Variants in MOSPD2 observed in about 807,000 individuals in gnomAD.
The protein encoded by MOSPD2 is motile sperm domain-containing protein 2.
Under a neutral mutation model 41.7 loss-of-function variants are expected in MOSPD2, and 5 were observed. That is an observed-to-expected ratio of 0.12 (90% CI 0.06 to 0.25). MOSPD2 has a LOEUF of 0.25. MOSPD2 is among the 10% of genes least tolerant of loss of function. The probability of loss-of-function intolerance (pLI) is 1.00; values close to 1 mark genes in which losing one functional copy is unlikely to be tolerated. For missense variants in MOSPD2, 282 were observed against 375.2 expected (o/e 0.75, Z 2.05); for synonymous variants, 115 against 126.9 (o/e 0.91, Z 0.63).
chrX:14,895,446 A>G (rs776706675), intron 4 of MOSPD2, 52 bp downstream of exon 4: 2 of 711,703 alleles, frequency 2.8e-6, no homozygotes, highest in South Asian at 2.4e-5. Context: ...AGATTGAGAT[A>G]TCTATGTCAA....
chrX:14,882,576 ACAT>A (rs1174565405), intron 2 of MOSPD2, among the ~76,000 whole-genome samples: 6 of 111,770 alleles, frequency 5.4e-5, no homozygotes, highest in Admixed American at 9.5e-5. Context: ...CAGTATATAA[ACAT>A]CATGTTGTAT....
intron 5 of MOSPD2, among the ~76,000 whole-genome samples, chrX:14,897,923 T>A (rs922185111): frequency 1.8e-5 from 2 of 112,425 alleles, no homozygotes; most frequent in African/African-American, 6.5e-5. Context: ...TTCTAACTAC[T>A]GTCTCTTATA....
chrX:14,903,561 A>G (rs2092576818), intron 7 of MOSPD2, among the ~76,000 whole-genome samples: 1 of 111,757 alleles, frequency 8.9e-6, no homozygotes, highest in African/African-American at 3.3e-5. Flanking sequence ...CAGTCATGAT[A>G]TATTTTTTGG....
At chrX:14,895,962 C>T (rs574916154) in intron 4 of MOSPD2, among the ~76,000 whole-genome samples, 23 of 111,385 alleles carry the variant, frequency 2.1e-4, no homozygotes, top group African/African-American at 7.2e-4. Context: ...GTCCTGCACT[C>T]ATCTTCACTC....
At chrX:14,894,316 A>AT (rs759189386) in intron 3 of MOSPD2, among the ~76,000 whole-genome samples, 3,500 of 66,508 alleles carry the variant, frequency 0.053, 234 homozygotes, top group African/African-American at 0.14. Context: ...TTATTGATTG[A>AT]TTTTTTTTTT....
intron 5 of MOSPD2, among the ~76,000 whole-genome samples, chrX:14,899,065 G>T (rs914178334): frequency 1.0e-5 from 1 of 96,317 alleles, no homozygotes; most frequent in African/African-American, 3.4e-5. Flanking sequence ...ATTATTCAGC[G>T]GCCATCCTTC....
At chrX:14,875,794 G>C (rs768468663) in intron 2 of MOSPD2, among the ~76,000 whole-genome samples, 15 of 111,720 alleles carry the variant, frequency 1.3e-4, no homozygotes, top group Non-Finnish European at 2.4e-4. Context: ...ATGTATCCGA[G>C]AGGCCTTCAC....
intron 3 of MOSPD2, among the ~76,000 whole-genome samples, chrX:14,894,509 G>C (rs1330313658): frequency 9.1e-6 from 1 of 109,666 alleles, no homozygotes; most frequent in Non-Finnish European, 1.9e-5. Flanking sequence ...GCAGAGACAG[G>C]GTTTCACTGT....
Position 14,873,705 on chromosome X carries a change from A to G in MOSPD2, c.26A>G (p.Lys9Arg). The G allele has an allele frequency of 8.3e-7, 1 of 1,210,889 alleles. No homozygotes were observed. The highest frequency in any genetic ancestry group is 1.1e-6 in the Non-Finnish European group (1 of 894,774). The change falls in exon 2 of 15, where the codon AAA becomes AGA. Residue 9 changes from lysine to arginine, a missense_variant. By Grantham distance (26) the Lys-to-Arg change is conservative (BLOSUM62 2). Transcript: ENST00000380492. The part of the protein sequence containing the change: MAENHAQN[K>R]AKLISETRRR... ...CCCATCCAGAATCACGCCCAGAATA[A>G]AGCCAAGCTCATCTCTGAGACCCGG... is the stretch of plus-strand genomic sequence containing the variant.
At chrX:14,895,257 A>G (rs2092560977) in intron 3 of MOSPD2, 51 bp from the exon 4 acceptor site, 4 of 714,843 alleles carry the variant, frequency 5.6e-6, no homozygotes, top group Non-Finnish European at 8.8e-6. Context: ...TATGAGTTTT[A>G]TTTTTAAACC....
At position 14,918,768 on chromosome X, in the gene MOSPD2, G is replaced by C; in HGVS notation, c.1405G>C (p.Asp469His). ...AFNMSDKTSE[D>H]ICLQLSRLLE... The stretch of plus-strand genomic sequence containing the variant: ...CAATATGTCAGATAAAACCAGTGAA[G>C]ATATATGTCTACAAGTAAGTATACT... Residue 469 changes from aspartate (D) to histidine (H), a missense_variant, in exon 14 of 15, where the codon GAT becomes CAT. Physicochemically the swap from Asp to His is moderately conservative, Grantham distance 81. This residue lies in a region of MOSPD2 where 94 missense variants were observed against 102.1 expected (regional missense o/e 0.92). Transcript: ENST00000380492. 2.6e-6 allele frequency: 3 copies of C among 1,161,478 alleles called. No individual in the cohort carries two copies. Among genetic ancestry groups the C allele is most frequent in the Non-Finnish European group, 3.5e-6 (3 of 851,388 alleles).
At chrX:14,906,639 C>T (rs1249570654) in intron 7 of MOSPD2, among the ~76,000 whole-genome samples, 1 of 111,895 alleles carries the variant, frequency 8.9e-6, no homozygotes, top group African/African-American at 3.3e-5. Flanking sequence ...GGTGAAAAGA[C>T]AATTCTCAGA....
At chrX:14,898,925 A>G in intron 5 of MOSPD2, among the ~76,000 whole-genome samples, 1 of 110,667 alleles carries the variant, frequency 9.0e-6, no homozygotes. Context: ...GCTTATAAAC[A>G]TGTCACAAAG....
rs977967956 is a variant in MOSPD2 at position 14,919,474 on chromosome X, A to G, written c.1420-198A>G. Among the ~76,000 whole-genome samples, 13 of 111,864 alleles carry G rather than the reference A, an allele frequency of 1.2e-4. 1 individual carries two copies. On this transcript the variant is annotated intron_variant, in intron 14 of 14. Coordinates refer to ENST00000380492, the MANE Select transcript of MOSPD2 (RefSeq NM_152581.4). ...CTCAACTAGAAATTCAGACCTCTCA[A>G]AATGAGAATAAGCATAGACATATCT... is the stretch of plus-strand genomic sequence containing the variant.
At chrX:14,900,487 C>T (rs1298847388) in intron 5 of MOSPD2, 88 bp from the exon 6 acceptor site, 1 of 396,837 alleles carries the variant, frequency 2.5e-6, no homozygotes, top group African/African-American at 2.6e-5. Context: ...AATTGTCTCA[C>T]TTGTATTTAA....
chrX:14,911,366 A>G lies in MOSPD2; in HGVS notation c.832A>G (p.Thr278Ala). Residue 278 changes from threonine (T) to alanine (A), a missense_variant, in exon 9 of 15, where the codon ACA (threonine) becomes GCA (alanine). Coordinates refer to ENST00000380492, the MANE Select transcript of MOSPD2 (RefSeq NM_152581.4). ...KEDIESDGKE[T>A]LETISNEEQT... ...AGACATAGAAAGTGATGGCAAAGAA[A>G]CATTGGAAACAATTTCTAATGAAGA... The G allele has an allele frequency of 8.3e-7, 1 of 1,197,839 alleles. No individual in the cohort carries two copies. The highest frequency in any genetic ancestry group is 1.8e-5 in the South Asian group (1 of 54,986).
chrX:14,875,726 G>A (rs1356781653), intron 2 of MOSPD2, among the ~76,000 whole-genome samples: 1 of 111,489 alleles, frequency 9.0e-6, no homozygotes, highest in Non-Finnish European at 1.9e-5. Flanking sequence ...TCTTTGCCTG[G>A]GAAGATTTTA....
At chrX:14,914,936 A>T (rs1433695688) in intron 11 of MOSPD2, among the ~76,000 whole-genome samples, 1 of 112,108 alleles carries the variant, frequency 8.9e-6, no homozygotes, top group Non-Finnish European at 1.9e-5. Flanking sequence ...GAAACATAAA[A>T]CTATAAAATT....
At chrX:14,908,183 A>G (rs2092585482) in intron 7 of MOSPD2, among the ~76,000 whole-genome samples, 1 of 112,127 alleles carries the variant, frequency 8.9e-6, no homozygotes, top group Non-Finnish European at 1.9e-5. Flanking sequence ...ACAAGATTGT[A>G]ATTACCAAAC....
Sources: allele counts gnomAD v4.1 joint callset (sites outside exome capture counted in the v4.1 genomes callset), GRCh38; gene constraint gnomAD v4.1.1; regional missense constraint gnomAD v4.1.1; transcripts MANE v1.5; gene names NCBI Gene and HGNC (gene_info 2026-07-23, HGNC 2026-07-21).